Variants in SERINC5 observed in about 807,000 individuals in gnomAD.
SERINC5 encodes the protein serine incorporator 5.
Under a neutral mutation model 63.1 loss-of-function variants are expected in SERINC5, and 41 were observed. The observed-to-expected ratio is 0.65, with a 90% CI of 0.51 to 0.84. The LOEUF is 0.84. Ranked by LOEUF, SERINC5 falls within the 40% of genes least tolerant of loss-of-function variation. SERINC5 has a pLI of 0.00. For missense variants in SERINC5, 523 were observed against 573.0 expected, an observed-to-expected ratio of 0.91 and a Z score of 0.89; for synonymous variants, 222 against 215.2, an observed-to-expected ratio of 1.03 and a Z score of -0.28.
At chr5:80,150,746 T>G in intron 9 of SERINC5, 136 bp downstream of exon 9, 1 of 712,924 alleles carries the variant, frequency 1.4e-6, no homozygotes, top group Non-Finnish European at 2.5e-6. Flanking sequence ...AGCATTTATT[T>G]TTCTATACAA....
At chr5:80,183,988 G>C (rs536433410) in intron 2 of SERINC5, among the ~76,000 whole-genome samples, 1 of 152,336 alleles carries the variant, frequency 6.6e-6, no homozygotes, top group African/African-American at 2.4e-5. Context: ...TTAAACATGA[G>C]TGATGAAACA....
At chr5:80,254,528 C>T (rs977152716) in intron 1 of SERINC5, among the ~76,000 whole-genome samples, 1 of 152,160 alleles carries the variant, frequency 6.6e-6, no homozygotes, top group Non-Finnish European at 1.5e-5. Context: ...AGGACAGATG[C>T]CCCTAAAGAG....
At chr5:80,200,342 C>T (rs1749751320) in intron 2 of SERINC5, among the ~76,000 whole-genome samples, 1 of 143,354 alleles carries the variant, frequency 7.0e-6, no homozygotes, top group East Asian at 2.0e-4. Flanking sequence ...AAAAATTAGC[C>T]AGGCGTGGTG....
rs983703496 is a variant in SERINC5 at position 80,141,284 on chromosome 5, C to T, written c.*2379G>A. The T allele has an allele frequency of 1.3e-5, 13 of 985,318 alleles. No homozygotes were observed. The East Asian group carries it at 1.1e-3, about 86-fold the overall frequency. 61.0% of individuals were successfully genotyped at this position (985,318 alleles called of 1,614,324 possible). A position where few individuals can be genotyped will look rare whatever the true frequency, so the allele number is the denominator to read the frequency against. On this transcript the variant is annotated 3_prime_UTR_variant, in exon 12 of 12. Coordinates refer to ENST00000507668, the MANE Select transcript of SERINC5 (RefSeq NM_001174072.3). The stretch of plus-strand genomic sequence containing the variant: ...AACGGGATGTCACAAACCAGACTCA[C>T]GCATCTGGAAAACGTTGTGTGGCTG...
chr5:80,194,644 T>A (rs1289097056), intron 2 of SERINC5, among the ~76,000 whole-genome samples: 1 of 152,182 alleles, frequency 6.6e-6, no homozygotes, highest in East Asian at 1.9e-4. Context: ...AGCAGGCAGA[T>A]GGGAAATGTA....
chr5:80,136,874 G>A (rs924319924), downstream of SERINC5, among the ~76,000 whole-genome samples: 2 of 152,078 alleles, frequency 1.3e-5, no homozygotes, highest in African/African-American at 2.4e-5. Flanking sequence ...AGTGGCTCGC[G>A]CCTGTAATCC....
At position 80,169,079 on chromosome 5, in the gene SERINC5, C is replaced by A. The variant is rs146968340; in HGVS notation, c.763+256G>T. Among the ~76,000 whole-genome samples the A allele has an allele frequency of 4.7e-3, 715 of 152,306 alleles. 5 individuals are homozygous for A. Among genetic ancestry groups the A allele is most frequent in the African/African-American group, 0.016 (684 of 41,554 alleles). ...AGGCTCTTTGTGGTACATTATTTAG[C>A]AAAGGCAGTATCTTCCTATTCATTG... On this transcript the variant is annotated intron_variant, in intron 6 of 11. Transcript: ENST00000507668.
At chr5:80,207,855 A>G (rs774051893) in intron 1 of SERINC5, among the ~76,000 whole-genome samples, 6 of 152,244 alleles carry the variant, frequency 3.9e-5, no homozygotes, top group African/African-American at 7.2e-5. Flanking sequence ...TGGAAATTCA[A>G]AACAGCATCC....
intron 1 of SERINC5, among the ~76,000 whole-genome samples, chr5:80,226,233 T>A (rs1261043247): frequency 1.3e-5 from 2 of 152,118 alleles, no homozygotes; most frequent in Non-Finnish European, 2.9e-5. Flanking sequence ...ATTTTTTGTA[T>A]TTTTTAGTAG....
At chr5:80,133,085 T>C (rs183126190) in intron 11 of SERINC5, among the ~76,000 whole-genome samples, 7 of 152,238 alleles carry the variant, frequency 4.6e-5, no homozygotes, top group Non-Finnish European at 7.4e-5. Context: ...GATCTGGTTG[T>C]GTGTGGCACC....
rs112429334 is a variant in SERINC5, at chr5:80,238,644, G to T, written c.27+17252C>A. 3.9e-5 allele frequency among the ~76,000 whole-genome samples: 6 copies of T among 152,028 alleles called. No individual in the cohort carries two copies. In the South Asian group the frequency reaches 1.0e-3, roughly 26 times the overall value. Reference sequence around the variant, plus strand: ...ACTAAAATACAAAAATTTGCTGGGCGTGATGGCAGGCACCTGTAATCCCAC... The same window carrying T: ...ACTAAAATACAAAAATTTGCTGGGCTTGATGGCAGGCACCTGTAATCCCAC... On this transcript the variant is annotated intron_variant, in intron 1 of 11. Transcript: ENST00000507668.
intron 5 of SERINC5, 30 bp downstream of exon 5, chr5:80,174,924 C>G: frequency 6.6e-7 from 1 of 1,508,678 alleles, no homozygotes; most frequent in Non-Finnish European, 9.0e-7. Context: ...TTCTGTGAGT[C>G]AATGGGAAGC....
Position 80,230,459 on chromosome 5 carries a change from A to AGAAAAAAAG in SERINC5, c.27+25436_27+25437insCTTTTTTTC, listed in dbSNP as rs1554071009. Among the ~76,000 whole-genome samples, 6 of 128,620 alleles carry AGAAAAAAAG rather than the reference A, an allele frequency of 4.7e-5. No homozygotes were observed. The East Asian group carries it at 1.3e-3, about 29-fold the overall frequency. 84.4% of individuals were successfully genotyped at this position (128,620 alleles called of 152,430 possible). A position where few individuals can be genotyped will look rare whatever the true frequency, so the allele number is the denominator to read the frequency against. The stretch of plus-strand genomic sequence containing the variant: ...CAAGACTGTCACAAAAAAAAAAAAA[A>AGAAAAAAAG]AAAGAAACCATTGCTCTTCAAATTT... On this transcript the variant is annotated intron_variant, in intron 1 of 11. Transcript: ENST00000507668.
intron 7 of SERINC5, among the ~76,000 whole-genome samples, chr5:80,162,274 C>T (rs1014420899): frequency 1.3e-5 from 2 of 152,134 alleles, no homozygotes; most frequent in African/African-American, 2.4e-5. Flanking sequence ...ATAGGGATAG[C>T]GCTAAATCTG....
intron 2 of SERINC5, among the ~76,000 whole-genome samples, chr5:80,202,516 T>C (rs913788592): frequency 6.6e-6 from 1 of 152,012 alleles, no homozygotes; most frequent in African/African-American, 2.4e-5. Flanking sequence ...CGTGTGTTAT[T>C]CCCGGGATGG....
intron 8 of SERINC5, chr5:80,158,071 T>G (rs536646305): frequency 6.4e-4 from 98 of 152,316 alleles, no homozygotes; most frequent in African/African-American, 2.2e-3. Context: ...ATACTGAACA[T>G]TAACAAAATG....
intron 1 of SERINC5, among the ~76,000 whole-genome samples, chr5:80,253,660 A>C (rs552702247): frequency 1.9e-4 from 29 of 152,284 alleles, no homozygotes; most frequent in African/African-American, 3.6e-4. Context: ...CTCACTGAGC[A>C]GTCTCAACTC....
chr5:80,234,589 T>C (rs989361554), intron 1 of SERINC5, among the ~76,000 whole-genome samples: 1 of 152,210 alleles, frequency 6.6e-6, no homozygotes, highest in Non-Finnish European at 1.5e-5. Flanking sequence ...TAAAACATGA[T>C]GAATTTCGCA....
At chr5:80,239,132 C>T (rs1279915423) in intron 1 of SERINC5, among the ~76,000 whole-genome samples, 1 of 152,178 alleles carries the variant, frequency 6.6e-6, no homozygotes, top group East Asian at 1.9e-4. Flanking sequence ...CTTCTAGCTC[C>T]AGAATTAGAC....
Sources: allele counts gnomAD v4.1 joint callset (sites outside exome capture counted in the v4.1 genomes callset), GRCh38; gene constraint gnomAD v4.1.1; transcripts MANE v1.5; gene names NCBI Gene and HGNC (gene_info 2026-07-23, HGNC 2026-07-21).